FAM20C: variants seen among roughly 807,000 people sequenced by gnomAD.
FAM20C encodes FAM20C golgi associated secretory pathway kinase.
FAM20C carries 40 observed loss-of-function variants against 51.5 expected under a neutral mutation model. The ratio of observed to expected loss-of-function variants is 0.78; its 90% CI spans 0.60 to 1.01. FAM20C has a LOEUF of 1.01. Among genes scored for constraint, FAM20C ranks in the 50% least tolerant of loss-of-function variants. FAM20C has a pLI of 0.00. For missense variants in FAM20C, 861 were observed against 844.7 expected (o/e 1.02, Z -0.24); for synonymous variants, 406 against 380.6 (o/e 1.07, Z -0.78).
intron 2 of FAM20C, among the ~76,000 whole-genome samples, chr7:199,803 T>TG (rs1473611996): frequency 1.3e-5 from 2 of 152,190 alleles, no homozygotes; most frequent in Non-Finnish European, 2.9e-5. Context: ...TGCCTTGGGC[T>TG]GGGGCTGGCG....
chr7:230,118 A>G (rs1787601724), intron 3 of FAM20C, among the ~76,000 whole-genome samples: 1 of 152,112 alleles, frequency 6.6e-6, no homozygotes. Flanking sequence ...AGGTGTGGTT[A>G]AATTAAAGAC....
At chr7:246,559 C>A (rs972622672) in intron 4 of FAM20C, 52 bp downstream of exon 4, 432 of 1,337,944 alleles carry the variant, frequency 3.2e-4, no homozygotes, top group Non-Finnish European at 3.5e-4. Flanking sequence ...TCAGACCCAC[C>A]GGTGAGTGAG....
At chr7:224,235 G>A (rs1215163206) in intron 3 of FAM20C, among the ~76,000 whole-genome samples, 6 of 118,070 alleles carry the variant, frequency 5.1e-5, no homozygotes, top group African/African-American at 1.3e-4. Context: ...CTCTCACGGA[G>A]CAGAACGGCA....
At position 256,004 on chromosome 7, in the gene FAM20C, T is replaced by A. The variant is rs148276213; in HGVS notation, c.1228T>A (p.Ser410Thr). The stretch of plus-strand genomic sequence containing the variant: ...GACCTGGCGGAACCCTTGGCGGCGT[T>A]CCTACCACAAGCGCAAGAAGGCCGA... ...RKTWRNPWRR[S>T]YHKRKKAEWE... The change falls in exon 6 of 10, where the codon TCC becomes ACC. Residue 410 changes from serine to threonine, a missense_variant. Ser to Thr is a moderately conservative substitution (Grantham distance 58). Transcript: ENST00000313766. 6.0e-3 allele frequency: 9,150 copies of A among 1,535,878 alleles called. 53 individuals carry two copies. The highest frequency in any genetic ancestry group is 6.0e-3 in the Non-Finnish European group (6,825 of 1,146,752).
intron 3 of FAM20C, chr7:228,441 C>T: frequency 2.2e-6 from 1 of 456,160 alleles, no homozygotes; most frequent in Non-Finnish European, 4.4e-6. Context: ...ACTGGCCACC[C>T]AGGGGGCTGG....
At chr7:228,827 A>T (rs1286038395) in intron 3 of FAM20C, 2 of 456,022 alleles carry the variant, frequency 4.4e-6, no homozygotes, top group East Asian at 6.9e-5. Context: ...AGCCTCCTCA[A>T]CGTGTTTGTA....
chr7:207,770 C>T (rs769598786), intron 2 of FAM20C, among the ~76,000 whole-genome samples: 10 of 152,224 alleles, frequency 6.6e-5, no homozygotes, highest in African/African-American at 1.7e-4. Flanking sequence ...TCTCCCATCT[C>T]GGGCGACCTG....
Position 193,625 on chromosome 7 carries a change from C to A in FAM20C, c.426C>A (p.Asp142Glu). ...CCGCGCACCGGCCGCTGCTGCGAGA[C>A]CCCGGCCCGCGTCGGTCCGAGTCGC... ...HDPAHRPLLR[D>E]PGPRRSESPP... is the part of the protein sequence containing the mutation. Residue 142 changes from aspartate to glutamate, a missense_variant, in exon 1 of 10, where the codon GAC becomes GAA. Coordinates refer to ENST00000313766, the MANE Select transcript of FAM20C (RefSeq NM_020223.4). 2 of 1,538,986 alleles carry A rather than the reference C, an allele frequency of 1.3e-6. No homozygotes were observed. Among genetic ancestry groups the A allele is most frequent in the Non-Finnish European group, 1.7e-6 (2 of 1,142,872 alleles).
rs961411854 is a variant in FAM20C, at chr7:240,653, C to T, written c.864-5762C>T. Reference sequence around the variant, plus strand: ...TTCTTTGACTGAGTCCTCATTCATTCATTTGTTTATGAAACACCTGTTCGG... The same window carrying T: ...TTCTTTGACTGAGTCCTCATTCATTTATTTGTTTATGAAACACCTGTTCGG... On this transcript the variant is annotated intron_variant, in intron 3 of 9. Transcript: ENST00000313766. Among the ~76,000 whole-genome samples, 18 of 152,276 alleles carry T rather than the reference C, an allele frequency of 1.2e-4. 1 individual carries two copies. In the South Asian group the frequency reaches 3.7e-3, roughly 32 times the overall value.
intron 2 of FAM20C, among the ~76,000 whole-genome samples, chr7:204,591 A>G (rs941102047): frequency 2.0e-5 from 3 of 152,216 alleles, no homozygotes; most frequent in Non-Finnish European, 2.9e-5. Flanking sequence ...TTGAGTGGCC[A>G]TCGCTGTGGA....
intron 4 of FAM20C, among the ~76,000 whole-genome samples, chr7:247,850 C>T (rs1301396025): frequency 1.3e-5 from 2 of 152,208 alleles, no homozygotes; most frequent in African/African-American, 4.8e-5. Context: ...GCAGACGGCC[C>T]ACGTCCCTCC....
rs148671562 is a variant in FAM20C, at chr7:246,228, T to G, written c.864-187T>G. ...TGGGACCCCCGGCCTCCGTCGCACG[T>G]GCCTGCGCTGCTCTGAGGGCCCGTC... On this transcript the variant is annotated intron_variant, in intron 3 of 9. Transcript: ENST00000313766. The G allele has an allele frequency of 0.19, 104,006 of 552,660 alleles. 11,985 individuals are homozygous for G. The highest frequency in any genetic ancestry group is 0.5 in the African/African-American group (25,498 of 50,956). The allele number at this position is 552,660 out of a possible 1,614,324, so 34.2% of individuals were successfully genotyped here.
chr7:257,587 G>A (rs918930175), intron 8 of FAM20C: 5 of 179,300 alleles, frequency 2.8e-5, no homozygotes, highest in African/African-American at 4.8e-5. Flanking sequence ...TCCCAGGCTC[G>A]GAGGCCTCAG....
Position 193,780 on chromosome 7 carries a change from C to A in FAM20C, c.581C>A (p.Pro194His). ...FNVNSDTRLS[P>H]KAAENPDWPH... ...GTGAACAGCGACACCAGGCTCAGCC[C>A]CAAAGCGGCGGAGAACCCGGACTGG... The change falls in exon 1 of 10, where the codon CCC becomes CAC. Residue 194 changes from proline to histidine, a missense_variant. Around this residue, in one of 3 missense-constraint regions of FAM20C, gnomAD observed 561 missense variants for 499.8 expected, o/e 1.12. Coordinates refer to ENST00000313766, the MANE Select transcript of FAM20C (RefSeq NM_020223.4). The A allele has an allele frequency of 6.4e-7, 1 of 1,553,492 alleles. No individual in the cohort carries two copies. Among genetic ancestry groups the A allele is most frequent in the East Asian group, 2.4e-5 (1 of 41,122 alleles).
intron 3 of FAM20C, among the ~76,000 whole-genome samples, chr7:245,021 A>G (rs1788093969): frequency 6.6e-6 from 1 of 152,220 alleles, no homozygotes; most frequent in Non-Finnish European, 1.5e-5. Flanking sequence ...GTCCCCCCGA[A>G]GGGACGTGGA....
chr7:197,410 G>C (rs1785930855), intron 2 of FAM20C: 1 of 166,748 alleles, frequency 6.0e-6, no homozygotes, highest in Non-Finnish European at 1.5e-5. Context: ...TCTTGGCAGG[G>C]AGAGGAATGA....
At chr7:219,795 A>C (rs974317991) in intron 3 of FAM20C, among the ~76,000 whole-genome samples, 8 of 152,188 alleles carry the variant, frequency 5.3e-5, no homozygotes, top group African/African-American at 1.9e-4. Context: ...TCGGGGAAAC[A>C]AAATGGTTTT....
chr7:252,909 CCAGAGGTGCA>C (rs1482765699), intron 5 of FAM20C, among the ~76,000 whole-genome samples: 1 of 152,270 alleles, frequency 6.6e-6, no homozygotes, highest in East Asian at 1.9e-4. Context: ...TGCAAACGTC[CCAGAGGTGCA>C]CAGGTCATCC....
rs1449733442 is a variant in FAM20C, at chr7:206,977, C to T, written c.785-1921C>T. Reference sequence around the variant, plus strand: ...GTCACGGCCCCCTCGGCCCCGCACACGTATCCACTGTGAGGCGTCGGTCAC... The same window carrying T: ...GTCACGGCCCCCTCGGCCCCGCACATGTATCCACTGTGAGGCGTCGGTCAC... On this transcript the variant is annotated intron_variant, in intron 2 of 9. Transcript: ENST00000313766. Among the ~76,000 whole-genome samples, 2 of 53,106 alleles carry T rather than the reference C, an allele frequency of 3.8e-5. 1 individual carries two copies. Among genetic ancestry groups the T allele is most frequent in the South Asian group, 1.5e-3 (2 of 1,314 alleles). The allele number at this position is 53,106 out of a possible 152,430, so 34.8% of individuals were successfully genotyped here.
Sources: allele counts gnomAD v4.1 joint callset (sites outside exome capture counted in the v4.1 genomes callset), GRCh38; gene constraint gnomAD v4.1.1; regional missense constraint gnomAD v4.1.1; transcripts MANE v1.5; gene names NCBI Gene and HGNC (gene_info 2026-07-23, HGNC 2026-07-21).